The following PTN variants were observed in gnomAD, a reference collection of about 807,000 sequenced individuals.
PTN encodes the protein heparin affin regulatory protein.
In PTN, 18 loss-of-function variants were observed where a neutral mutation model predicts 24.1. The ratio of observed to expected loss-of-function variants is 0.75; its 90% CI spans 0.52 to 1.11. PTN has a LOEUF of 1.11. PTN is among the 50% of genes least tolerant of loss of function. The pLI is 0.00. For missense variants in PTN, 163 were observed against 198.8 expected, an observed-to-expected ratio of 0.82 and a Z score of 1.08; for synonymous variants, 78 against 68.6, an observed-to-expected ratio of 1.14 and a Z score of -0.67.
intron 1 of PTN, among the ~76,000 whole-genome samples, chr7:137,293,273 G>T (rs996498466): frequency 6.6e-6 from 1 of 152,078 alleles, no homozygotes; most frequent in African/African-American, 2.4e-5. Context: ...TAGATGGAGT[G>T]AAACTACCTC....
At chr7:137,263,874 G>A (rs574046954) in intron 1 of PTN, among the ~76,000 whole-genome samples, 92 of 152,170 alleles carry the variant, frequency 6.0e-4, no homozygotes, top group Middle Eastern at 3.4e-3. Flanking sequence ...GTGGGATTCT[G>A]GGTGGGCTTA....
At chr7:137,332,456 G>A (rs10271620) in intron 1 of PTN, among the ~76,000 whole-genome samples, 58,995 of 151,862 alleles carry the variant, frequency 0.39, 11,708 homozygotes, top group South Asian at 0.47. Flanking sequence ...TTTGACCTGC[G>A]TTGAGCTATA....
chr7:137,272,988 T>C (rs1156869117), intron 1 of PTN, among the ~76,000 whole-genome samples: 1 of 152,190 alleles, frequency 6.6e-6, no homozygotes, highest in Non-Finnish European at 1.5e-5. Context: ...TCGAAAGCCT[T>C]TGGATAATAA....
chr7:137,290,915 C>T (rs566100165), intron 1 of PTN, among the ~76,000 whole-genome samples: 1 of 152,100 alleles, frequency 6.6e-6, no homozygotes, highest in Non-Finnish European at 1.5e-5. Context: ...TCAACCATTT[C>T]TCTTCATCAC....
chr7:137,285,879 A>T (rs1208294778), intron 1 of PTN, among the ~76,000 whole-genome samples: 1 of 152,248 alleles, frequency 6.6e-6, no homozygotes, highest in Non-Finnish European at 1.5e-5. Flanking sequence ...AAGACTGACC[A>T]GCCAAACCCA....
chr7:137,338,410 A>T (rs1462649759), intron 1 of PTN, among the ~76,000 whole-genome samples: 1 of 152,238 alleles, frequency 6.6e-6, no homozygotes, highest in African/African-American at 2.4e-5. Context: ...AACACGAAGG[A>T]ATCAGGAGTT....
In PTN at chr7:137,292,334, T is replaced by C. The variant is rs543059412; in HGVS notation, c.-1-37360A>G. Among the ~76,000 whole-genome samples the C allele has an allele frequency of 3.9e-5, 6 of 152,290 alleles. No individual in the cohort carries two copies. The South Asian group carries it at 1.0e-3, about 26-fold the overall frequency. On this transcript the variant is annotated intron_variant, in intron 1 of 4. Coordinates refer to ENST00000348225, the MANE Select transcript of PTN (RefSeq NM_002825.7). ...GTCCCCACACAAATCTCACCTTGAA[T>C]TGTAGTAATTCCCATGTCACGGGAG...
chr7:137,233,416 C>T (rs980901467), intron 4 of PTN, among the ~76,000 whole-genome samples: 20 of 151,942 alleles, frequency 1.3e-4, no homozygotes, highest in Non-Finnish European at 2.5e-4. Flanking sequence ...GCAATCTCAT[C>T]TTACCACTAA....
chr7:137,322,000 C>T (rs568282917), intron 1 of PTN, among the ~76,000 whole-genome samples: 1 of 152,152 alleles, frequency 6.6e-6, no homozygotes, highest in African/African-American at 2.4e-5. Flanking sequence ...TTTATCTCAG[C>T]CCAGGAACAG....
chr7:137,307,671 G>A (rs1809911560), intron 1 of PTN, among the ~76,000 whole-genome samples: 1 of 152,008 alleles, frequency 6.6e-6, no homozygotes, highest in African/African-American at 2.4e-5. Context: ...TATTTAATGT[G>A]AGTAATCCAT....
chr7:137,257,549 G>A (rs1354146209), intron 1 of PTN, among the ~76,000 whole-genome samples: 1 of 152,184 alleles, frequency 6.6e-6, no homozygotes, highest in East Asian at 1.9e-4. Flanking sequence ...ATTATTAGGT[G>A]TAAAGTAAAC....
chr7:137,309,925 A>G (rs1197329828), intron 1 of PTN, among the ~76,000 whole-genome samples: 1 of 152,204 alleles, frequency 6.6e-6, no homozygotes, highest in East Asian at 1.9e-4. Flanking sequence ...GAATGTTTTT[A>G]ATGGCATCTA....
intron 4 of PTN, among the ~76,000 whole-genome samples, chr7:137,242,236 T>G (rs973613444): frequency 5.9e-5 from 9 of 152,310 alleles, no homozygotes; most frequent in Admixed American, 5.9e-4. Context: ...GTTCTTTTGA[T>G]CTTTAAAGAT....
In PTN at chr7:137,280,699, CAAAAAAAAAAAAAAA is replaced by C. The variant is rs58738876; in HGVS notation, c.-1-25740_-1-25726del. Among the ~76,000 whole-genome samples, 17 of 44,352 alleles carry C rather than the reference CAAAAAAAAAAAAAAA, an allele frequency of 3.8e-4. 1 individual carries two copies. The highest frequency in any genetic ancestry group is 1.3e-3 in the African/African-American group (15 of 11,130). The allele number at this position is 44,352 out of a possible 152,430, so 29.1% of individuals were successfully genotyped here. Reference sequence around the variant, plus strand: ...CAAAACCCCGTCTCTACTAAAAATACAAAAAAAAAAAAAAAAAAAAAAAAAAGCTGAGTGTGGTGG... The same window carrying C: ...CAAAACCCCGTCTCTACTAAAAATACAAAAAAAAAAAGCTGAGTGTGGTGG... On this transcript the variant is annotated intron_variant, in intron 1 of 4. Coordinates refer to ENST00000348225, the MANE Select transcript of PTN (RefSeq NM_002825.7).
At chr7:137,229,140 A>C (rs1563191931) in intron 4 of PTN, among the ~76,000 whole-genome samples, 1 of 151,868 alleles carries the variant, frequency 6.6e-6, no homozygotes, top group East Asian at 1.9e-4. Flanking sequence ...CTGTTCTATA[A>C]AATCTACTGA....
chr7:137,333,724 G>C (rs566021393), intron 1 of PTN, among the ~76,000 whole-genome samples: 13 of 152,122 alleles, frequency 8.5e-5, no homozygotes, highest in East Asian at 5.8e-4. Context: ...AAAAGAGCCT[G>C]CATCGCCAAG....
chr7:137,232,088 T>C (rs546559069), intron 4 of PTN, among the ~76,000 whole-genome samples: 3 of 152,054 alleles, frequency 2.0e-5, no homozygotes, highest in East Asian at 3.9e-4. Flanking sequence ...TAGTTCACAT[T>C]GAACAGAGCC....
At chr7:137,277,631 G>A (rs1221407267) in intron 1 of PTN, among the ~76,000 whole-genome samples, 7 of 152,104 alleles carry the variant, frequency 4.6e-5, no homozygotes, top group Admixed American at 2.6e-4. Flanking sequence ...GTGCAGTGGC[G>A]TGATCATGGC....
chr7:137,301,434 C>A (rs1050615000), intron 1 of PTN, among the ~76,000 whole-genome samples: 2 of 151,834 alleles, frequency 1.3e-5, no homozygotes, highest in Non-Finnish European at 2.9e-5. Flanking sequence ...TGAACCAGCT[C>A]ATGTAAAGAT....
Sources: allele counts gnomAD v4.1 joint callset (sites outside exome capture counted in the v4.1 genomes callset), GRCh38; gene constraint gnomAD v4.1.1; transcripts MANE v1.5; gene names NCBI Gene and HGNC (gene_info 2026-07-23, HGNC 2026-07-21).